Variants in XIRP2 observed in about 807,000 individuals in gnomAD.
The protein encoded by XIRP2 is xin actin-binding repeat-containing protein 2.
In XIRP2, 236 loss-of-function variants were observed where a neutral mutation model predicts 277.0. That is an observed-to-expected ratio of 0.85 (90% CI 0.77 to 0.95). XIRP2 has a LOEUF of 0.95. Among genes scored for constraint, XIRP2 ranks in the 40% least tolerant of loss-of-function variants. The probability of loss-of-function intolerance (pLI) is 0.00; values close to 1 mark genes in which losing one functional copy is unlikely to be tolerated. For synonymous variants in XIRP2, 1,490 were observed against 1,416.5 expected (o/e 1.05, Z -1.17); for missense variants, 4,640 against 4,157.5 (o/e 1.12, Z -3.19).
intron 2 of XIRP2, among the ~76,000 whole-genome samples, chr2:166,914,897 C>T (rs2105350784): frequency 6.6e-6 from 1 of 152,116 alleles, no homozygotes; most frequent in Admixed American, 6.6e-5. Flanking sequence ...TTCAGTAAAT[C>T]ATAATGTCTT....
chr2:166,959,965 A>T (rs1446683784), intron 2 of XIRP2, among the ~76,000 whole-genome samples: 2 of 151,812 alleles, frequency 1.3e-5, no homozygotes, highest in Admixed American at 1.3e-4. Flanking sequence ...TAAATTAAAA[A>T]TAATGTTAAA....
intron 2 of XIRP2, among the ~76,000 whole-genome samples, chr2:167,023,341 G>T (rs1688043730): frequency 6.6e-6 from 1 of 151,998 alleles, no homozygotes; most frequent in South Asian, 2.1e-4. Context: ...GTTCATTATA[G>T]ATTCTGGATA....
intron 2 of XIRP2, among the ~76,000 whole-genome samples, chr2:167,091,020 A>T (rs1353444599): frequency 9.9e-5 from 15 of 152,278 alleles, no homozygotes; most frequent in Non-Finnish European, 1.3e-4. Context: ...GAAAGAAAAT[A>T]AAATGTAATC....
intron 2 of XIRP2, among the ~76,000 whole-genome samples, chr2:166,945,851 G>T (rs577369808): frequency 6.6e-6 from 1 of 151,562 alleles, no homozygotes. Context: ...TTGTTTGTTT[G>T]TTTGTTTTTT....
chr2:166,974,355 GATA>G (rs1449833188), intron 2 of XIRP2, among the ~76,000 whole-genome samples: 1 of 152,062 alleles, frequency 6.6e-6, no homozygotes, highest in Non-Finnish European at 1.5e-5. Flanking sequence ...CACTAGAAAT[GATA>G]ATATGTGGAT....
intron 2 of XIRP2, among the ~76,000 whole-genome samples, chr2:167,133,065 G>T (rs997419689): frequency 2.6e-5 from 4 of 152,192 alleles, no homozygotes; most frequent in Non-Finnish European, 5.9e-5. Flanking sequence ...CTTAGTCCTA[G>T]AAATGGCAAG....
At chr2:167,224,229 G>C (rs1204718299) in intron 5 of XIRP2, among the ~76,000 whole-genome samples, 2 of 151,746 alleles carry the variant, frequency 1.3e-5, no homozygotes, top group African/African-American at 2.4e-5. Context: ...TATCACAAAG[G>C]CAAATACATT....
At chr2:166,927,796 TG>T (rs1326509493) in intron 2 of XIRP2, among the ~76,000 whole-genome samples, 1 of 152,130 alleles carries the variant, frequency 6.6e-6, no homozygotes, top group Non-Finnish European at 1.5e-5. Flanking sequence ...GGGATGTGTG[TG>T]TGGGGGGATG....
intron 3 of XIRP2, among the ~76,000 whole-genome samples, chr2:167,141,442 A>T (rs1691715494): frequency 6.6e-6 from 1 of 152,198 alleles, no homozygotes; most frequent in Non-Finnish European, 1.5e-5. Flanking sequence ...TGGATGAAAA[A>T]ATAATGAAGA....
chr2:167,087,296 C>G (rs1337104131), intron 2 of XIRP2, among the ~76,000 whole-genome samples: 1 of 152,208 alleles, frequency 6.6e-6, no homozygotes. Context: ...GGCAGTCTGC[C>G]CGTTCTCAGA....
intron 2 of XIRP2, among the ~76,000 whole-genome samples, chr2:167,097,362 G>A (rs1313615808): frequency 7.1e-6 from 1 of 140,882 alleles, no homozygotes; most frequent in South Asian, 2.3e-4. Flanking sequence ...GACTAGGATT[G>A]CAACCCCTGC....
intron 3 of XIRP2, among the ~76,000 whole-genome samples, chr2:167,207,032 C>T (rs1354324731): frequency 1.3e-5 from 2 of 152,034 alleles, no homozygotes; most frequent in African/African-American, 4.8e-5. Flanking sequence ...CACATTGACC[C>T]TAGCTCTATG....
At chr2:167,100,070 A>T (rs901719542) in intron 2 of XIRP2, among the ~76,000 whole-genome samples, 3 of 152,102 alleles carry the variant, frequency 2.0e-5, no homozygotes, top group Admixed American at 1.3e-4. Flanking sequence ...AATTTCACAG[A>T]AATGGTTTAA....
chr2:167,211,780 A>C (rs1475786059), intron 4 of XIRP2, among the ~76,000 whole-genome samples: 1 of 152,230 alleles, frequency 6.6e-6, no homozygotes, highest in African/African-American at 2.4e-5. Flanking sequence ...CTGCTAAACC[A>C]ATTATGATTA....
intron 3 of XIRP2, among the ~76,000 whole-genome samples, chr2:167,180,771 T>C (rs537734188): frequency 6.6e-6 from 1 of 152,198 alleles, no homozygotes; most frequent in Non-Finnish European, 1.5e-5. Context: ...GTCCACTTAC[T>C]TCACTTGCAT....
chr2:166,916,575 A>C (rs558807533), intron 2 of XIRP2, among the ~76,000 whole-genome samples: 1 of 152,242 alleles, frequency 6.6e-6, no homozygotes, highest in East Asian at 1.9e-4. Context: ...AAAAATAAGG[A>C]TTATTCTCAT....
At chr2:166,971,262 ATTGC>A (rs1686568890) in intron 2 of XIRP2, among the ~76,000 whole-genome samples, 1 of 152,050 alleles carries the variant, frequency 6.6e-6, no homozygotes, top group Admixed American at 6.6e-5. Context: ...GATTTTGCTA[ATTGC>A]TTTCACAACC....
intron 3 of XIRP2, among the ~76,000 whole-genome samples, chr2:167,190,555 G>A (rs1693300112): frequency 6.6e-6 from 1 of 152,048 alleles, no homozygotes; most frequent in African/African-American, 2.4e-5. Context: ...TGATACCTAT[G>A]AATTCCAGAG....
At position 166,898,357 on chromosome 2, in the gene XIRP2, C is replaced by A. The variant is rs527928960; in HGVS notation, c.-18-5108C>A. Among the ~76,000 whole-genome samples the A allele has an allele frequency of 2.6e-5, 4 of 152,240 alleles. No homozygotes were observed. In the South Asian group the frequency reaches 8.3e-4, roughly 32 times the overall value. ...TGCTGATTCATAATAGTGGATCTTGCAACAGAATGCATTGCCATCCTATGC... is the reference window on the plus strand; with the variant it reads ...TGCTGATTCATAATAGTGGATCTTGAAACAGAATGCATTGCCATCCTATGC... On this transcript the variant is annotated intron_variant, in intron 1 of 10. Transcript: ENST00000409195.
Sources: gnomAD v4.1 joint callset for allele counts (sites outside exome capture counted in the v4.1 genomes callset) on GRCh38, gnomAD v4.1.1 for gene constraint, MANE v1.5 for transcripts, NCBI Gene and HGNC (gene_info 2026-07-23, HGNC 2026-07-21) for gene names.